Variants in APOL4 observed in about 807,000 individuals in gnomAD.
The protein encoded by APOL4 is apolipoprotein L4.
Under a neutral mutation model 12.1 loss-of-function variants are expected in APOL4, and 14 were observed. The ratio of observed to expected loss-of-function variants is 1.16; its 90% CI spans 0.76 to 1.81. APOL4 has a LOEUF of 1.81. Ranked by LOEUF, APOL4 falls within the 40% of genes most tolerant of loss-of-function variation. The pLI is 0.00. For synonymous variants in APOL4, 171 were observed against 160.6 expected (o/e 1.06, Z -0.49); for missense variants, 432 against 423.1 (o/e 1.02, Z -0.18).
intron 2 of APOL4, among the ~76,000 whole-genome samples, chr22:36,198,340 A>G (rs1186376398): frequency 6.6e-6 from 1 of 152,224 alleles, no homozygotes; most frequent in Non-Finnish European, 1.5e-5. Flanking sequence ...AACTAATCAA[A>G]TAATGTCCTA....
upstream of APOL4, among the ~76,000 whole-genome samples, chr22:36,203,705 G>A (rs986453389): frequency 6.6e-6 from 1 of 152,150 alleles, no homozygotes; most frequent in Admixed American, 6.5e-5. Context: ...ACGGCAAGAT[G>A]ATAGCATTTA....
chr22:36,193,794 A>G (rs992931623), intron 3 of APOL4, among the ~76,000 whole-genome samples: 2 of 152,212 alleles, frequency 1.3e-5, no homozygotes, highest in African/African-American at 4.8e-5. Flanking sequence ...CACTGGGTCC[A>G]GCCACTGCCA....
chr22:36,199,707 C>A, intron 1 of APOL4: 2 of 1,477,900 alleles, frequency 1.4e-6, no homozygotes, highest in Non-Finnish European at 1.8e-6. Flanking sequence ...TGGGAAGGAA[C>A]GTTCTAACAA....
At chr22:36,195,764 TCTCTC>T (rs1569531222) in intron 2 of APOL4, among the ~76,000 whole-genome samples, 6 of 115,114 alleles carry the variant, frequency 5.2e-5, no homozygotes, top group Admixed American at 9.9e-5. Flanking sequence ...TCTCTCTCTC[TCTCTC>T]TCTCTCTCAC....
intron 1 of APOL4, among the ~76,000 whole-genome samples, chr22:36,200,028 C>T (rs28721350): frequency 0.39 from 58,959 of 151,650 alleles, 12,604 homozygotes; most frequent in East Asian, 0.88. Context: ...AGGATGGTCT[C>T]GATCTCCTGA....
At chr22:36,194,201 T>A (rs975303030) in intron 3 of APOL4, among the ~76,000 whole-genome samples, 9 of 152,100 alleles carry the variant, frequency 5.9e-5, no homozygotes, top group Non-Finnish European at 1.2e-4. Flanking sequence ...TTGCCTCTAC[T>A]CTATGTAGAA....
chr22:36,197,946 T>C, intron 2 of APOL4: 1 of 1,379,736 alleles, frequency 7.2e-7, no homozygotes, highest in South Asian at 1.8e-5. Flanking sequence ...CACACCCACC[T>C]GTGCCACAGA....
At chr22:36,200,110 G>T (rs2014528317) in intron 1 of APOL4, among the ~76,000 whole-genome samples, 1 of 152,108 alleles carries the variant, frequency 6.6e-6, no homozygotes, top group South Asian at 2.1e-4. Flanking sequence ...CCGGGCCTGT[G>T]ATGTGCAGGG....
At chr22:36,199,070 T>C (rs1418248942) in intron 2 of APOL4, among the ~76,000 whole-genome samples, 1 of 152,152 alleles carries the variant, frequency 6.6e-6, no homozygotes, top group African/African-American at 2.4e-5. Flanking sequence ...TTGCTAGGTG[T>C]CAGGGTAGGG....
rs374948525 is a variant in APOL4, at chr22:36,201,741, T to C, written c.-7A>G. The stretch of plus-strand genomic sequence containing the variant: ...GCTGCACCCAGGATCCCATCCTCCT[T>C]GGTCATTGTTGGCCTGGCTCAGACG... On this transcript the variant is annotated 5_prime_UTR_variant, in exon 1 of 4. Coordinates refer to ENST00000683024, the MANE Select transcript of APOL4 (RefSeq NM_001386885.1). The C allele has an allele frequency of 1.6e-5, 25 of 1,605,802 alleles. No individual in the cohort carries two copies. The African/African-American group carries it at 3.1e-4, about 20-fold the overall frequency.
At chr22:36,191,934 G>A in intron 3 of APOL4, 22 bp from the exon 4 acceptor site, 1 of 1,542,114 alleles carries the variant, frequency 6.5e-7, no homozygotes, top group Non-Finnish European at 8.7e-7. Flanking sequence ...AAGGACAGAT[G>A]ATTAAGAAAG....
intron 3 of APOL4, among the ~76,000 whole-genome samples, chr22:36,193,712 TAGA>T (rs1014466247): frequency 2.0e-5 from 3 of 152,232 alleles, no homozygotes; most frequent in African/African-American, 4.8e-5. Context: ...AACCTCAGAC[TAGA>T]AGGTGTCAAT....
In APOL4 at chr22:36,191,695, C is replaced by G. The variant is rs776344717; in HGVS notation, c.427G>C (p.Val143Leu). The G allele has an allele frequency of 2.5e-6, 4 of 1,613,948 alleles. No homozygotes were observed. In the African/African-American group the frequency reaches 5.3e-5, roughly 22 times the overall value. Reference protein sequence around the residue: ...VHRGCVIANVVSGSTGILSVI... With the variant: ...VHRGCVIANVLSGSTGILSVI... ...GACAGGATGCCAGTGGAGCCAGACA[C>G]CACATTGGCGATGACGCAGCCTCTG... The change falls in exon 4 of 4, where the codon GTG becomes CTG. Residue 143 changes from valine to leucine, a missense_variant. By Grantham distance (32) the Val-to-Leu change is conservative. Coordinates refer to ENST00000683024, the MANE Select transcript of APOL4 (RefSeq NM_001386885.1).
chr22:36,204,700 G>A (rs987343946), upstream of APOL4: 2 of 523,774 alleles, frequency 3.8e-6, no homozygotes, highest in South Asian at 2.9e-5. Context: ...ACCTCCAGCT[G>A]TGCACCTATA....
upstream of APOL4, chr22:36,204,816 G>A (rs553205945): frequency 8.4e-4 from 183 of 217,030 alleles, 1 homozygote; most frequent in Non-Finnish European, 1.4e-3. Flanking sequence ...CAGCAAACAC[G>A]CTGCTCCCCA....
upstream of APOL4, among the ~76,000 whole-genome samples, chr22:36,204,158 A>G (rs147244389): frequency 3.2e-3 from 493 of 152,250 alleles, 2 homozygotes; most frequent in African/African-American, 0.011. Flanking sequence ...GGTTCCTTGT[A>G]TCTCAAAAGA....
upstream of APOL4, among the ~76,000 whole-genome samples, chr22:36,202,969 C>T (rs575566906): frequency 6.6e-6 from 1 of 152,178 alleles, no homozygotes; most frequent in Admixed American, 6.5e-5. Flanking sequence ...AGTAATCCAA[C>T]AGTGTCCAGG....
At chr22:36,199,894 G>A (rs1314348473) in intron 1 of APOL4, among the ~76,000 whole-genome samples, 12 of 152,064 alleles carry the variant, frequency 7.9e-5, no homozygotes, top group Admixed American at 4.6e-4. Context: ...TGCAAGCGCC[G>A]CCTCCCAGGT....
In APOL4 at chr22:36,199,471, G is replaced by A. The variant is rs930596064; in HGVS notation, c.36-95C>T. The A allele has an allele frequency of 1.2e-5, 20 of 1,613,276 alleles. No homozygotes were observed. In the African/African-American group the frequency reaches 2.1e-4, roughly 17 times the overall value. ...CTGGGCCTCTGCAGATCCCTCTGAG[G>A]TGGCAGCAAATGCCAAGACCAACCT... On this transcript the variant is annotated intron_variant, in intron 1 of 3. Coordinates refer to ENST00000683024, the MANE Select transcript of APOL4 (RefSeq NM_001386885.1).
Sources: gnomAD v4.1 joint callset for allele counts (sites outside exome capture counted in the v4.1 genomes callset) on GRCh38, gnomAD v4.1.1 for gene constraint, MANE v1.5 for transcripts, NCBI Gene and HGNC (gene_info 2026-07-23, HGNC 2026-07-21) for gene names.